Variants in NR3C2 observed in about 807,000 individuals in gnomAD.
NR3C2 encodes the protein nuclear receptor subfamily 3 group C member 2.
In NR3C2, 15 loss-of-function variants were observed where a neutral mutation model predicts 86.4. That is an observed-to-expected ratio of 0.17 (90% CI 0.12 to 0.27). The LOEUF (loss-of-function observed/expected upper bound fraction) is 0.27. Ranked by LOEUF, NR3C2 falls within the 10% of genes least tolerant of loss-of-function variation. The pLI is 1.00. For missense variants in NR3C2, 960 were observed against 1,195.6 expected, an observed-to-expected ratio of 0.80 and a Z score of 2.91; for synonymous variants, 458 against 450.5, an observed-to-expected ratio of 1.02 and a Z score of -0.21.
intron 4 of NR3C2, among the ~76,000 whole-genome samples, chr4:148,163,930 A>C (rs1482884085): frequency 6.6e-6 from 1 of 152,238 alleles, no homozygotes; most frequent in Non-Finnish European, 1.5e-5. Flanking sequence ...ACTACAATAG[A>C]GAAGTCCCAT....
At chr4:148,334,780 G>T (rs374305015) in intron 2 of NR3C2, among the ~76,000 whole-genome samples, 21 of 152,286 alleles carry the variant, frequency 1.4e-4, no homozygotes, top group South Asian at 1.0e-3. Context: ...AACTACAGGA[G>T]AATTTATTCT....
chr4:148,346,611 T>G (rs1308649787), intron 2 of NR3C2, among the ~76,000 whole-genome samples: 1 of 152,076 alleles, frequency 6.6e-6, no homozygotes, highest in Non-Finnish European at 1.5e-5. Context: ...ATGGTGCACC[T>G]GGGATACAGC....
chr4:148,274,246 G>A (rs1430211749), intron 2 of NR3C2, among the ~76,000 whole-genome samples: 2 of 152,198 alleles, frequency 1.3e-5, no homozygotes, highest in African/African-American at 4.8e-5. Flanking sequence ...AAAGAAAAAT[G>A]GCAAATAATT....
intron 1 of NR3C2, among the ~76,000 whole-genome samples, chr4:148,441,803 C>T (rs987304645): frequency 6.6e-6 from 1 of 152,112 alleles, no homozygotes; most frequent in African/African-American, 2.4e-5. Context: ...TGGGAGCGTC[C>T]GCAATTGATA....
At chr4:148,202,684 A>G (rs1226453444) in intron 3 of NR3C2, among the ~76,000 whole-genome samples, 1 of 152,220 alleles carries the variant, frequency 6.6e-6, no homozygotes, top group Non-Finnish European at 1.5e-5. Flanking sequence ...AGAGAGACAA[A>G]GTTAACACCA....
At chr4:148,160,714 T>A (rs987160120) in intron 4 of NR3C2, among the ~76,000 whole-genome samples, 2 of 152,150 alleles carry the variant, frequency 1.3e-5, no homozygotes, top group African/African-American at 2.4e-5. Flanking sequence ...TATATTAAAA[T>A]ATATATATTT....
At chr4:148,383,215 T>G (rs1349671400) in intron 2 of NR3C2, among the ~76,000 whole-genome samples, 2 of 152,176 alleles carry the variant, frequency 1.3e-5, no homozygotes, top group African/African-American at 4.8e-5. Context: ...GATTTAAAGC[T>G]GCAATTTTGA....
intron 2 of NR3C2, among the ~76,000 whole-genome samples, chr4:148,318,119 T>C (rs1353588929): frequency 6.6e-6 from 1 of 150,452 alleles, no homozygotes; most frequent in Non-Finnish European, 1.5e-5. Context: ...AGTGAGAATA[T>C]GCGGTGTTTG....
intron 2 of NR3C2, among the ~76,000 whole-genome samples, chr4:148,395,381 G>C (rs1162236830): frequency 1.3e-5 from 2 of 152,026 alleles, no homozygotes; most frequent in Non-Finnish European, 2.9e-5. Flanking sequence ...TCCTCACTCT[G>C]GGTTCTGGAA....
chr4:148,230,613 T>C (rs1738411707), intron 3 of NR3C2, among the ~76,000 whole-genome samples: 1 of 152,236 alleles, frequency 6.6e-6, no homozygotes, highest in Non-Finnish European at 1.5e-5. Context: ...AGTCAATTTG[T>C]ATAGGATTTT....
intron 3 of NR3C2, among the ~76,000 whole-genome samples, chr4:148,249,978 A>G (rs1367588641): frequency 6.6e-6 from 1 of 152,182 alleles, no homozygotes; most frequent in Non-Finnish European, 1.5e-5. Context: ...AGCATGTGCA[A>G]AGGTAATTTT....
At chr4:148,314,471 C>G (rs1390657041) in intron 2 of NR3C2, among the ~76,000 whole-genome samples, 1 of 151,940 alleles carries the variant, frequency 6.6e-6, no homozygotes, top group Non-Finnish European at 1.5e-5. Flanking sequence ...ATTAAATGGC[C>G]TATTTTAAGT....
chr4:148,291,031 T>G (rs1373108999), intron 2 of NR3C2, among the ~76,000 whole-genome samples: 1 of 152,162 alleles, frequency 6.6e-6, no homozygotes, highest in Admixed American at 6.6e-5. Context: ...CTCGTCTACT[T>G]AACAACCATA....
chr4:148,101,172 AAAAAT>A (rs1277170223), intron 8 of NR3C2, among the ~76,000 whole-genome samples: 5 of 152,238 alleles, frequency 3.3e-5, no homozygotes, highest in Non-Finnish European at 7.3e-5. Flanking sequence ...TTTTACAATT[AAAAAT>A]AAAATAATAA....
intron 2 of NR3C2, among the ~76,000 whole-genome samples, chr4:148,342,057 T>C (rs180865756): frequency 2.4e-4 from 36 of 152,218 alleles, no homozygotes; most frequent in African/African-American, 7.2e-4. Context: ...TGGTTTTACA[T>C]GTTTAGCAAC....
intron 3 of NR3C2, among the ~76,000 whole-genome samples, chr4:148,220,290 G>A (rs904759629): frequency 6.6e-6 from 1 of 152,046 alleles, no homozygotes; most frequent in Non-Finnish European, 1.5e-5. Context: ...GTCTCACTAT[G>A]TTGCCCAGTC....
intron 2 of NR3C2, among the ~76,000 whole-genome samples, chr4:148,266,711 GTGAC>G (rs1248185782): frequency 2.0e-5 from 3 of 152,172 alleles, no homozygotes; most frequent in African/African-American, 7.2e-5. Context: ...AAATCTTACT[GTGAC>G]TGTTGGGTGG....
At chr4:148,360,769 G>C (rs543078248) in intron 2 of NR3C2, among the ~76,000 whole-genome samples, 1 of 152,122 alleles carries the variant, frequency 6.6e-6, no homozygotes, top group African/African-American at 2.4e-5. Flanking sequence ...CTATATGCCA[G>C]GTATTTTAAT....
At chr4:148,184,687 T>C (rs1408724097) in intron 4 of NR3C2, among the ~76,000 whole-genome samples, 1 of 152,200 alleles carries the variant, frequency 6.6e-6, no homozygotes, top group Admixed American at 6.5e-5. Flanking sequence ...AACTGATGGA[T>C]TTTATAAAAT....
Sources: gnomAD v4.1 joint callset for allele counts (sites outside exome capture counted in the v4.1 genomes callset) on GRCh38, gnomAD v4.1.1 for gene constraint, MANE v1.5 for transcripts, NCBI Gene and HGNC (gene_info 2026-07-23, HGNC 2026-07-21) for gene names.